SOS1: variants seen among roughly 807,000 people sequenced by gnomAD.
The protein encoded by SOS1 is son of sevenless homolog 1.
In SOS1, 25 loss-of-function variants were observed where a neutral mutation model predicts 157.6. The observed-to-expected ratio is 0.16, with a 90% CI of 0.12 to 0.22. The LOEUF is 0.22. Among genes scored for constraint, SOS1 ranks in the 10% least tolerant of loss-of-function variants. The pLI is 1.00. For synonymous variants in SOS1, 528 were observed against 534.0 expected, an observed-to-expected ratio of 0.99 and a Z score of 0.16; for missense variants, 1,237 against 1,599.1, an observed-to-expected ratio of 0.77 and a Z score of 3.86.
intron 10 of SOS1, among the ~76,000 whole-genome samples, chr2:39,020,043 T>C (rs1669750738): frequency 6.6e-6 from 1 of 151,642 alleles, no homozygotes; most frequent in Admixed American, 6.6e-5. Flanking sequence ...AATCACCTTA[T>C]ATGAGTCAAT....
At chr2:38,996,853 ACCT>A in intron 19 of SOS1, 66 bp downstream of exon 19, 3 of 837,530 alleles carry the variant, frequency 3.6e-6, no homozygotes. Flanking sequence ...ATCCCTGAAT[ACCT>A]TTATGGAAAA....
At chr2:39,068,797 G>A (rs1163829997) in intron 1 of SOS1, among the ~76,000 whole-genome samples, 3 of 151,878 alleles carry the variant, frequency 2.0e-5, no homozygotes, top group African/African-American at 7.3e-5. Flanking sequence ...TGTAAAGCTT[G>A]CATGTTAATA....
intron 14 of SOS1, among the ~76,000 whole-genome samples, chr2:39,011,011 T>G (rs868011764): frequency 6.6e-5 from 10 of 151,702 alleles, no homozygotes; most frequent in Non-Finnish European, 5.9e-5. Flanking sequence ...TTCTCCTGCC[T>G]GAGCCTCTTG....
intron 6 of SOS1, among the ~76,000 whole-genome samples, chr2:39,036,063 T>C (rs999944688): frequency 2.0e-5 from 3 of 152,190 alleles, no homozygotes; most frequent in African/African-American, 7.2e-5. Flanking sequence ...TAAATTCTAA[T>C]GGCTCAGTTA....
At chr2:39,114,073 G>C (rs1673547255) in intron 1 of SOS1, among the ~76,000 whole-genome samples, 1 of 151,914 alleles carries the variant, frequency 6.6e-6, no homozygotes, top group Admixed American at 6.6e-5. Flanking sequence ...TATGATCAAT[G>C]ACTCTTTCTT....
intron 1 of SOS1, among the ~76,000 whole-genome samples, chr2:39,099,634 C>T (rs1187606784): frequency 6.6e-6 from 1 of 152,142 alleles, no homozygotes; most frequent in African/African-American, 2.4e-5. Context: ...CAAAAATAAA[C>T]AACTTGGACT....
chr2:39,013,828 T>G (rs761800109), intron 12 of SOS1, 39 bp downstream of exon 12: 2 of 1,583,318 alleles, frequency 1.3e-6, no homozygotes, highest in Non-Finnish European at 1.7e-6. Flanking sequence ...AAACGAAAGT[T>G]TGATAAAGAC....
intron 1 of SOS1, among the ~76,000 whole-genome samples, chr2:39,112,912 G>A (rs541599028): frequency 5.9e-5 from 9 of 152,140 alleles, no homozygotes; most frequent in Admixed American, 2.6e-4. Flanking sequence ...GATGGAGTGC[G>A]CCTGTAATCC....
Position 39,022,874 on chromosome 2 carries a change from T to C in SOS1, c.1554A>G (p.Leu518=), listed in dbSNP as rs765369803. The C allele has an allele frequency of 9.3e-6, 15 of 1,612,672 alleles. No individual in the cohort carries two copies. In the East Asian group the frequency reaches 2.5e-4, roughly 26 times the overall value. The change falls in exon 10 of 23, where the codon TTA becomes TTG. Residue 518 remains leucine (L), a synonymous_variant. Transcript: ENST00000402219. ...NEYKHAFEII[L]KDENSVIFSA... is the part of the protein sequence containing the mutation. ...AAAATATAACACTATTTTCATCTTT[T>C]AAAATTATTTCAAAAGCATGCTTGT...
chr2:39,014,889 C>A, intron 10 of SOS1, 43 bp from the exon 11 acceptor site: 1 of 1,019,886 alleles, frequency 9.8e-7, no homozygotes, highest in Non-Finnish European at 1.6e-6. Context: ...CTCTATGATT[C>A]AAAATGATTA....
chr2:39,074,655 G>A (rs1160136064), intron 1 of SOS1, among the ~76,000 whole-genome samples: 1 of 152,086 alleles, frequency 6.6e-6, no homozygotes, highest in African/African-American at 2.4e-5. Flanking sequence ...ATCACCTGAG[G>A]TCAGGAGTTC....
intron 1 of SOS1, among the ~76,000 whole-genome samples, chr2:39,114,680 C>T (rs1055404257): frequency 1.6e-4 from 25 of 152,170 alleles, no homozygotes; most frequent in Non-Finnish European, 1.5e-5. Flanking sequence ...TCTCAGCTCA[C>T]TGAAGCCTCC....
At chr2:39,004,287 T>C (rs530130057) in intron 17 of SOS1, among the ~76,000 whole-genome samples, 37 of 149,684 alleles carry the variant, frequency 2.5e-4, no homozygotes, top group South Asian at 4.3e-4. Context: ...GGTGTGGTGG[T>C]GGGCGCCTGT....
chr2:39,081,374 G>A (rs1315836388), intron 1 of SOS1, among the ~76,000 whole-genome samples: 1 of 151,652 alleles, frequency 6.6e-6, no homozygotes, highest in East Asian at 1.9e-4. Flanking sequence ...ACAAAAATTA[G>A]CCGGCCATGG....
chr2:39,018,951 C>T lies in SOS1; in HGVS notation c.1858+3619G>A, dbSNP rs574224625. Among the ~76,000 whole-genome samples the T allele has an allele frequency of 5.9e-5, 9 of 151,846 alleles. No individual in the cohort carries two copies. The East Asian group carries it at 7.7e-4, about 13-fold the overall frequency. ...ATCAGAGAGTATAAAAATAGAACAG[C>T]GCTGCCCTATAGATGAAAAATTGTT... is the stretch of plus-strand genomic sequence containing the variant. On this transcript the variant is annotated intron_variant, in intron 10 of 22. Transcript: ENST00000402219.
At chr2:39,037,342 TATC>T (rs149123511) in intron 6 of SOS1, among the ~76,000 whole-genome samples, 84 of 152,304 alleles carry the variant, frequency 5.5e-4, no homozygotes, top group African/African-American at 1.4e-3. Flanking sequence ...ATATGCCAAA[TATC>T]ATAATGTATA....
Position 38,989,268 on chromosome 2 carries a change from A to G in SOS1, c.3391+2T>C. On this transcript the variant is annotated splice_donor_variant, in intron 21 of 22. Coordinates refer to ENST00000402219, the MANE Select transcript of SOS1 (RefSeq NM_005633.4). LOFTEE classifies it high-confidence loss of function. ...TATGAGTCTTAAACCAAATATACTAACTTGGGCCATGGGGCAGAGTAACTT... is the reference window on the plus strand; with the variant it reads ...TATGAGTCTTAAACCAAATATACTAGCTTGGGCCATGGGGCAGAGTAACTT... The G allele has an allele frequency of 6.3e-7, 1 of 1,592,604 alleles. No individual in the cohort carries two copies. Among genetic ancestry groups the G allele is most frequent in the Non-Finnish European group, 8.6e-7 (1 of 1,160,776 alleles).
intron 2 of SOS1, among the ~76,000 whole-genome samples, chr2:39,065,404 T>C (rs1189992315): frequency 6.6e-6 from 1 of 152,164 alleles, no homozygotes; most frequent in East Asian, 1.9e-4. Context: ...TGGTTTACAT[T>C]AGGGACACAC....
At chr2:39,024,933 T>C (rs1313706554) in intron 8 of SOS1, among the ~76,000 whole-genome samples, 3 of 54,046 alleles carry the variant, frequency 5.6e-5, no homozygotes, top group Non-Finnish European at 2.2e-4. Flanking sequence ...TTTCTATTAC[T>C]GGCAAATATC....
Sources: gnomAD v4.1 joint callset for allele counts (sites outside exome capture counted in the v4.1 genomes callset) on GRCh38, gnomAD v4.1.1 for gene constraint, MANE v1.5 for transcripts, NCBI Gene and HGNC (gene_info 2026-07-23, HGNC 2026-07-21) for gene names.